Variants in ANK2 observed in about 807,000 individuals in gnomAD.
ANK2 encodes ankyrin 2.
Under a neutral mutation model 360.5 loss-of-function variants are expected in ANK2, and 83 were observed. That is an observed-to-expected ratio of 0.23 (90% CI 0.19 to 0.28). The LOEUF is 0.28. Ranked by LOEUF, ANK2 falls within the 10% of genes least tolerant of loss-of-function variation. ANK2 has a pLI of 1.00. For synonymous variants in ANK2, 1,740 were observed against 1,759.5 expected, an observed-to-expected ratio of 0.99 and a Z score of 0.28; for missense variants, 4,201 against 4,795.7, an observed-to-expected ratio of 0.88 and a Z score of 3.66.
chr4:113,311,551 C>A (rs2079962485), intron 24 of ANK2, 152 bp downstream of exon 24: 1 of 1,092,964 alleles, frequency 9.1e-7, no homozygotes, highest in Non-Finnish European at 1.3e-6. Context: ...CATTGTCTAA[C>A]AACTTTAAGA....
chr4:113,366,200 A>T (rs1181713152), intron 41 of ANK2, among the ~76,000 whole-genome samples: 2 of 152,172 alleles, frequency 1.3e-5, no homozygotes, highest in East Asian at 1.9e-4. Flanking sequence ...CTCTCTTCCC[A>T]TTCCCTCTAG....
At chr4:112,709,539 C>T in the ANK2 span, among the ~76,000 whole-genome samples, 2 of 151,856 alleles carry the variant, frequency 1.3e-5, no homozygotes, top group South Asian at 2.1e-4. Context: ...GCCTGAGATC[C>T]GGAGTTCGAG....
the ANK2 span, among the ~76,000 whole-genome samples, chr4:112,730,911 G>A: frequency 9.5e-4 from 144 of 151,804 alleles, no homozygotes; most frequent in Middle Eastern, 0.01. Context: ...AGGCCGAGGA[G>A]GGAGGATCAT....
chr4:112,915,703 C>T (rs750030692), intron 2 of ANK2, among the ~76,000 whole-genome samples: 2 of 150,350 alleles, frequency 1.3e-5, no homozygotes, highest in East Asian at 1.9e-4. Flanking sequence ...TGCAGTAAGT[C>T]GAGATTGCAC....
At chr4:113,374,881 G>A (rs1288493522) in intron 45 of ANK2, 2 of 1,268,598 alleles carry the variant, frequency 1.6e-6, no homozygotes, top group Non-Finnish European at 2.0e-6. Flanking sequence ...AGAGAGGATG[G>A]AGAAACATCT....
intron 1 of ANK2, among the ~76,000 whole-genome samples, chr4:113,076,172 A>C (rs1336204897): frequency 3.3e-5 from 5 of 152,216 alleles, no homozygotes; most frequent in Non-Finnish European, 5.9e-5. Flanking sequence ...CTACACATAA[A>C]ATATAGTAAC....
intron 29 of ANK2, among the ~76,000 whole-genome samples, chr4:113,334,139 G>A (rs1004791222): frequency 6.6e-6 from 1 of 152,148 alleles, no homozygotes; most frequent in African/African-American, 2.4e-5. Context: ...TTATGGATAG[G>A]AAAGAGTAGC....
intron 4 of ANK2, among the ~76,000 whole-genome samples, chr4:113,212,533 G>A (rs1008417159): frequency 2.0e-5 from 3 of 152,134 alleles, no homozygotes. Context: ...ATTGACTGAG[G>A]TAGGCAGCAT....
intron 1 of ANK2, among the ~76,000 whole-genome samples, chr4:113,132,058 C>T (rs190311186): frequency 1.3e-5 from 2 of 152,018 alleles, no homozygotes; most frequent in East Asian, 3.9e-4. Context: ...ATATTTTTTA[C>T]CATATAAAAG....
rs199547163 is a variant in ANK2 at position 113,144,828 on chromosome 4, AAT to A, written c.85-29574_85-29573del. ...ATTTATATATAAATATATAGTTATA[AAT>A]ATATATATATATAGTTTTAGAGGAA... On this transcript the variant is annotated intron_variant, in intron 1 of 45. Transcript: ENST00000357077. Among the ~76,000 whole-genome samples the A allele has an allele frequency of 4.4e-4, 65 of 146,492 alleles. 2 individuals are homozygous for A. The East Asian group carries it at 0.01, about 23-fold the overall frequency.
At chr4:113,184,992 G>T (rs113688370) in intron 2 of ANK2, among the ~76,000 whole-genome samples, 144 of 152,260 alleles carry the variant, frequency 9.5e-4, no homozygotes, top group African/African-American at 3.3e-3. Flanking sequence ...TGCTGGGAAT[G>T]ATGGTTTCCA....
rs750717491 is a variant in ANK2, at chr4:113,290,909, T to G, written c.2278-1507T>G. 3.3e-5 allele frequency among the ~76,000 whole-genome samples: 5 copies of G among 152,184 alleles called. No homozygotes were observed. In the East Asian group the frequency reaches 9.6e-4, roughly 29 times the overall value. ...AACCAAATGTTTACGTAAACACTTCTGAATTGCTCCAGACTTCCCTGGCAA... is the reference window on the plus strand; with the variant it reads ...AACCAAATGTTTACGTAAACACTTCGGAATTGCTCCAGACTTCCCTGGCAA... On this transcript the variant is annotated intron_variant, in intron 20 of 45. Transcript: ENST00000357077.
rs560023078 is a variant in ANK2, at chr4:112,950,910, G to A, written c.21+46396G>A. ...ATCCCGGCTAAAACGGTGAAACCCC[G>A]TCTCTACTAAAAATACAAAAAATTA... On this transcript the variant is annotated intron_variant, in intron 2 of 30. Coordinates refer to the ANK2 transcript ENST00000503271. Among the ~76,000 whole-genome samples the A allele has an allele frequency of 2.8e-3, 429 of 150,540 alleles. 3 individuals carry two copies. The highest frequency in any genetic ancestry group is 9.3e-3 in the African/African-American group (380 of 41,032).
intron 1 of ANK2, among the ~76,000 whole-genome samples, chr4:113,128,420 G>T (rs747888858): frequency 3.3e-5 from 5 of 152,146 alleles, no homozygotes; most frequent in Non-Finnish European, 7.3e-5. Context: ...TTATGTGAGA[G>T]GACAAAAGGA....
the ANK2 span, chr4:112,706,568 A>G: frequency 6.6e-6 from 1 of 152,308 alleles, no homozygotes; most frequent in Non-Finnish European, 1.5e-5. Context: ...CCCACTGCAG[A>G]GCTATACCGT....
chr4:112,826,892 G>C, intron 1 of ANK2: 1 of 1,508,506 alleles, frequency 6.6e-7, no homozygotes, highest in South Asian at 1.1e-5. Context: ...CTATGGCAGG[G>C]GTCAACCTTA....
chr4:113,217,082 G>GA (rs1304987265), intron 4 of ANK2: 1 of 151,792 alleles, frequency 6.6e-6, no homozygotes, highest in Non-Finnish European at 1.5e-5. Flanking sequence ...TTCTTCCCTC[G>GA]ACACATATGA....
At chr4:112,764,207 T>C in the ANK2 span, among the ~76,000 whole-genome samples, 1 of 151,996 alleles carries the variant, frequency 6.6e-6, no homozygotes. Flanking sequence ...CCTCCTAAAG[T>C]GTTGAGATTA....
chr4:112,873,561 G>GTTTTTTT, intron 1 of ANK2, among the ~76,000 whole-genome samples: 1 of 147,962 alleles, frequency 6.8e-6, no homozygotes. Context: ...TTTTGAGATG[G>GTTTTTTT]AGTCCCGCTC....
Sources: allele counts gnomAD v4.1 joint callset (sites outside exome capture counted in the v4.1 genomes callset), GRCh38; gene constraint gnomAD v4.1.1; transcripts MANE v1.5; gene names NCBI Gene and HGNC (gene_info 2026-07-23, HGNC 2026-07-21).